Variants in MACROD2 observed in about 807,000 individuals in gnomAD.
The protein encoded by MACROD2 is mono-ADP ribosylhydrolase 2.
A neutral mutation model predicts 70.4 loss-of-function variants in MACROD2; 36 were observed. The ratio of observed to expected loss-of-function variants is 0.51; its 90% CI spans 0.39 to 0.68. The LOEUF (loss-of-function observed/expected upper bound fraction) is 0.68, where lower values mean the gene tolerates loss of function less well. MACROD2 is among the 30% of genes least tolerant of loss of function. The pLI is 0.00. For missense variants in MACROD2, 496 were observed against 538.4 expected, an observed-to-expected ratio of 0.92 and a Z score of 0.78; for synonymous variants, 172 against 178.8, an observed-to-expected ratio of 0.96 and a Z score of 0.30.
chr20:14,800,265 T>A (rs1043332746), intron 5 of MACROD2, among the ~76,000 whole-genome samples: 17 of 152,068 alleles, frequency 1.1e-4, no homozygotes, highest in Non-Finnish European at 2.5e-4. Flanking sequence ...CAAAAGGAAT[T>A]CTATGTCTAA....
intron 5 of MACROD2, among the ~76,000 whole-genome samples, chr20:14,920,451 G>A (rs943643302): frequency 3.3e-5 from 5 of 152,124 alleles, no homozygotes; most frequent in Admixed American, 6.6e-5. Flanking sequence ...AACCAGATAC[G>A]TTGGAAATCT....
intron 3 of MACROD2, among the ~76,000 whole-genome samples, chr20:14,485,681 A>C (rs369942458): frequency 5.3e-5 from 5 of 95,052 alleles, no homozygotes; most frequent in African/African-American, 1.7e-4. Context: ...CAGCCTGGGC[A>C]ACAGAGCAAG....
chr20:14,796,372 G>C (rs74837383), intron 5 of MACROD2, among the ~76,000 whole-genome samples: 1 of 152,022 alleles, frequency 6.6e-6, no homozygotes, highest in Non-Finnish European at 1.5e-5. Flanking sequence ...AGTAACCACC[G>C]TAGGACAGAC....
intron 6 of MACROD2, among the ~76,000 whole-genome samples, chr20:15,312,781 A>G (rs1167163752): frequency 6.6e-6 from 1 of 152,198 alleles, no homozygotes; most frequent in African/African-American, 2.4e-5. Flanking sequence ...GTATATATAC[A>G]TCTACTATTT....
intron 6 of MACROD2, among the ~76,000 whole-genome samples, chr20:15,422,594 C>G (rs2046244571): frequency 6.6e-6 from 1 of 152,160 alleles, no homozygotes; most frequent in South Asian, 2.1e-4. Context: ...GCACATAGAG[C>G]TCTGAGCCCA....
At chr20:14,830,599 A>G (rs2072953464) in intron 5 of MACROD2, among the ~76,000 whole-genome samples, 1 of 152,188 alleles carries the variant, frequency 6.6e-6, no homozygotes, top group African/African-American at 2.4e-5. Context: ...ATATTGATTT[A>G]CTGAATACCC....
intron 11 of MACROD2, among the ~76,000 whole-genome samples, chr20:15,935,943 A>G (rs1601166663): frequency 6.6e-6 from 1 of 152,194 alleles, no homozygotes; most frequent in East Asian, 1.9e-4. Flanking sequence ...GATAGTTAAA[A>G]TGAGATCTAA....
At chr20:15,327,496 G>A (rs893232092) in intron 6 of MACROD2, among the ~76,000 whole-genome samples, 12 of 152,238 alleles carry the variant, frequency 7.9e-5, no homozygotes, top group African/African-American at 1.9e-4. Flanking sequence ...AAGCAAACAC[G>A]TCCTTCTTCA....
At chr20:14,664,146 A>G (rs2070710848) in intron 4 of MACROD2, among the ~76,000 whole-genome samples, 1 of 152,124 alleles carries the variant, frequency 6.6e-6, no homozygotes, top group Admixed American at 6.6e-5. Context: ...TGGTTTTACA[A>G]AAATCACAAT....
chr20:14,088,487 C>T (rs2054109768), intron 3 of MACROD2, among the ~76,000 whole-genome samples: 2 of 2,154 alleles, frequency 9.3e-4, no homozygotes, highest in African/African-American at 1.1e-3. Flanking sequence ...TATATAAATA[C>T]ACTTATCAGC....
chr20:15,077,109 A>C (rs2075664302), intron 5 of MACROD2, among the ~76,000 whole-genome samples: 1 of 152,222 alleles, frequency 6.6e-6, no homozygotes, highest in South Asian at 2.1e-4. Flanking sequence ...GGTGGTAAGA[A>C]ATTTACACAA....
chr20:14,116,066 T>C (rs2054509829), intron 3 of MACROD2, among the ~76,000 whole-genome samples: 1 of 152,192 alleles, frequency 6.6e-6, no homozygotes, highest in Admixed American at 6.5e-5. Context: ...TTGGTGAATC[T>C]TGAGAAGACA....
chr20:14,221,647 ACTAAAAAGGT>A (rs1239251313), intron 3 of MACROD2, among the ~76,000 whole-genome samples: 2 of 152,228 alleles, frequency 1.3e-5, no homozygotes. Flanking sequence ...CTTTAAGTAA[ACTAAAAAGGT>A]TTTCCACAGC....
At chr20:15,624,745 C>T (rs2049178263) in intron 8 of MACROD2, among the ~76,000 whole-genome samples, 1 of 152,104 alleles carries the variant, frequency 6.6e-6, no homozygotes, top group South Asian at 2.1e-4. Context: ...CTCTCTGGCC[C>T]TTTACAGAAA....
At chr20:14,536,918 C>T (rs916819374) in intron 4 of MACROD2, among the ~76,000 whole-genome samples, 12 of 152,190 alleles carry the variant, frequency 7.9e-5, no homozygotes, top group Admixed American at 5.2e-4. Context: ...GTCAAAATTC[C>T]GAGTCAGATA....
At chr20:14,301,596 GT>G (rs888837857) in intron 3 of MACROD2, among the ~76,000 whole-genome samples, 1 of 152,218 alleles carries the variant, frequency 6.6e-6, no homozygotes, top group Non-Finnish European at 1.5e-5. Flanking sequence ...ATGGTGAATA[GT>G]TGGTTCCTTG....
At chr20:15,499,339 C>T (rs1046045570) in intron 7 of MACROD2, among the ~76,000 whole-genome samples, 9 of 152,128 alleles carry the variant, frequency 5.9e-5, no homozygotes, top group African/African-American at 2.2e-4. Flanking sequence ...TGGAGTTCTG[C>T]TGGCCTTGTG....
intron 8 of MACROD2, among the ~76,000 whole-genome samples, chr20:15,507,016 A>C (rs375244610): frequency 3.3e-5 from 5 of 152,212 alleles, no homozygotes; most frequent in Admixed American, 1.3e-4. Context: ...TTATGGTAAT[A>C]ATCATCATCA....
chr20:15,269,145 C>T (rs1215390521), intron 6 of MACROD2, among the ~76,000 whole-genome samples: 1 of 152,262 alleles, frequency 6.6e-6, no homozygotes, highest in East Asian at 1.9e-4. Context: ...TCACTGCCTT[C>T]ACAATTCTCT....
Sources: gnomAD v4.1 joint callset for allele counts (sites outside exome capture counted in the v4.1 genomes callset) on GRCh38, gnomAD v4.1.1 for gene constraint, MANE v1.5 for transcripts, NCBI Gene and HGNC (gene_info 2026-07-23, HGNC 2026-07-21) for gene names.